PTCHD4: variants seen among roughly 807,000 people sequenced by gnomAD.
PTCHD4 encodes patched domain containing 4.
PTCHD4 carries 33 observed loss-of-function variants against 58.1 expected under a neutral mutation model. That is an observed-to-expected ratio of 0.57 (90% CI 0.43 to 0.76). The LOEUF is 0.76. Ranked by LOEUF, PTCHD4 falls within the 30% of genes least tolerant of loss-of-function variation. PTCHD4 has a pLI of 0.00. For missense variants in PTCHD4, 1,058 were observed against 1,027.1 expected (o/e 1.03, Z -0.41); for synonymous variants, 478 against 409.6 (o/e 1.17, Z -2.02).
chr6:48,039,663 G>A (rs1206012118), intron 3 of PTCHD4, among the ~76,000 whole-genome samples: 2 of 152,064 alleles, frequency 1.3e-5, no homozygotes, highest in African/African-American at 4.8e-5. Flanking sequence ...TGTGGAAAAG[G>A]TAGAGAAAAA....
At chr6:48,066,420 C>G (rs1481026761) in intron 3 of PTCHD4, among the ~76,000 whole-genome samples, 2 of 152,098 alleles carry the variant, frequency 1.3e-5, no homozygotes, top group Non-Finnish European at 2.9e-5. Context: ...TACTAATGAA[C>G]TACAAAGTTG....
At position 48,068,512 on chromosome 6, in the gene PTCHD4, C is replaced by G. The variant is rs1166777371; in HGVS notation, c.135G>C (p.Val45=). The change falls in exon 3 of 5, where the codon GTG becomes GTC. Residue 45 remains valine (V), a synonymous_variant. Transcript: ENST00000339488. This position sits in a 1 kb window ranked among gnomAD's most constrained non-coding sequence, Gnocchi z 4.2. The part of the protein sequence containing the change: ...VSRHPVFFLT[V]PAVLTITFGL... ...CGAAGGTGATTGTCAGGACTGCGGGCACGGTGAGGAAAAAGACCGGGTGCC... is the reference window on the plus strand; with the variant it reads ...CGAAGGTGATTGTCAGGACTGCGGGGACGGTGAGGAAAAAGACCGGGTGCC... 1 of 1,612,684 alleles carries G rather than the reference C, an allele frequency of 6.2e-7. No individual in the cohort carries two copies. Among genetic ancestry groups the G allele is most frequent in the African/African-American group, 1.3e-5 (1 of 74,914 alleles).
At chr6:48,076,363 T>C (rs990428664) in intron 1 of PTCHD4, among the ~76,000 whole-genome samples, 10 of 152,234 alleles carry the variant, frequency 6.6e-5, no homozygotes, top group Admixed American at 6.5e-4. Context: ...CTATTGATGA[T>C]GATATTTTGC....
In PTCHD4 at chr6:47,873,796, CA is replaced by C. The variant is rs1763779916; in HGVS notation, c.*4506del. Among the ~76,000 whole-genome samples, 1 of 151,628 alleles carries C rather than the reference CA, an allele frequency of 6.6e-6. No individual in the cohort carries two copies. The highest frequency in any genetic ancestry group is 2.4e-5 in the African/African-American group (1 of 41,336). ...ATTCAGCCATAAATATGTTTTGGGT[CA>C]ATGTCATAAAATTGTCACAAAATTT... is the stretch of plus-strand genomic sequence containing the variant. On this transcript the variant is annotated 3_prime_UTR_variant, in exon 5 of 5. Coordinates refer to ENST00000339488, the MANE Select transcript of PTCHD4 (RefSeq NM_001384253.1).
At chr6:47,998,326 T>G (rs1032049111) in intron 4 of PTCHD4, among the ~76,000 whole-genome samples, 5 of 152,188 alleles carry the variant, frequency 3.3e-5, no homozygotes, top group Admixed American at 2.0e-4. Flanking sequence ...TATTCAATCC[T>G]GATTCACTAT....
At chr6:48,106,000 A>C (rs962680258) in intron 1 of PTCHD4, among the ~76,000 whole-genome samples, 10 of 152,210 alleles carry the variant, frequency 6.6e-5, no homozygotes, top group Non-Finnish European at 1.0e-4. Context: ...AGATGGATTC[A>C]CAGCCAAATT....
At chr6:47,885,613 G>C (rs949112544) in intron 4 of PTCHD4, among the ~76,000 whole-genome samples, 1 of 152,142 alleles carries the variant, frequency 6.6e-6, no homozygotes. Flanking sequence ...TTATAATTCC[G>C]TTTGAGCTTC....
chr6:47,962,300 T>C lies in PTCHD4; in HGVS notation c.898+46334A>G, dbSNP rs1030315528. 5.9e-5 allele frequency among the ~76,000 whole-genome samples: 9 copies of C among 152,286 alleles called. No homozygotes were observed. In the South Asian group the frequency reaches 6.2e-4, roughly 11 times the overall value. ...TTTGCTGTGCCTAATGACTTAGGCA[T>C]TCAGGCAACGAAGCTTCTGCAAAGC... On this transcript the variant is annotated intron_variant, in intron 4 of 4. Coordinates refer to ENST00000339488, the MANE Select transcript of PTCHD4 (RefSeq NM_001384253.1).
chr6:48,007,962 A>G (rs1762520039), intron 4 of PTCHD4, among the ~76,000 whole-genome samples: 3 of 149,070 alleles, frequency 2.0e-5, no homozygotes, highest in Middle Eastern at 3.5e-3. Context: ...ACACACACAC[A>G]CGCACCACCT....
chr6:47,883,007 T>C (rs1410023679), intron 4 of PTCHD4, among the ~76,000 whole-genome samples: 1 of 151,772 alleles, frequency 6.6e-6, no homozygotes, highest in Non-Finnish European at 1.5e-5. Flanking sequence ...TGATTCTAGA[T>C]GGGTCCAAAA....
rs141997493 is a variant in PTCHD4 at position 48,106,383 on chromosome 6, C to G, written c.-970+4666G>C. Among the ~76,000 whole-genome samples, 1,353 of 152,218 alleles carry G rather than the reference C, an allele frequency of 8.9e-3. 34 individuals are homozygous for G. Among genetic ancestry groups the G allele is most frequent in the African/African-American group, 0.031 (1,277 of 41,516 alleles). On this transcript the variant is annotated intron_variant, in intron 1 of 4. Transcript: ENST00000339488. ...TTATCTCAATAGATGCAGAAAAGAC[C>G]TTTGACAAAATTCAACAATGCTTCA...
intron 4 of PTCHD4, among the ~76,000 whole-genome samples, chr6:47,962,801 A>G (rs758414903): frequency 7.2e-5 from 11 of 152,060 alleles, no homozygotes; most frequent in Non-Finnish European, 1.6e-4. Flanking sequence ...GTGGGCATCC[A>G]AAATATGTAA....
At chr6:48,053,890 T>A (rs927828453) in intron 3 of PTCHD4, among the ~76,000 whole-genome samples, 1 of 152,118 alleles carries the variant, frequency 6.6e-6, no homozygotes, top group African/African-American at 2.4e-5. Context: ...AGGGCAGATG[T>A]TCTCTCCTTT....
chr6:47,977,380 T>C (rs1323270207), intron 4 of PTCHD4, among the ~76,000 whole-genome samples: 1 of 152,174 alleles, frequency 6.6e-6, no homozygotes, highest in Admixed American at 6.5e-5. Context: ...TTGAGGGCTT[T>C]GATGAAGCAA....
At chr6:47,923,427 T>C (rs1207918799) in intron 4 of PTCHD4, among the ~76,000 whole-genome samples, 1 of 152,180 alleles carries the variant, frequency 6.6e-6, no homozygotes, top group African/African-American at 2.4e-5. Context: ...TAAGCACTTT[T>C]GATATTTTGT....
At chr6:48,045,965 C>T (rs571318748) in intron 3 of PTCHD4, among the ~76,000 whole-genome samples, 19 of 151,736 alleles carry the variant, frequency 1.3e-4, no homozygotes, top group African/African-American at 4.6e-4. Context: ...AGAATATTAG[C>T]TATATTCTTA....
intron 3 of PTCHD4, among the ~76,000 whole-genome samples, chr6:48,054,835 C>T (rs1040155452): frequency 3.3e-5 from 5 of 152,162 alleles, no homozygotes; most frequent in East Asian, 1.9e-4. Flanking sequence ...TGATTTATCA[C>T]GTGGTTTCCT....
chr6:48,021,699 T>TA (rs1763078329), intron 3 of PTCHD4, among the ~76,000 whole-genome samples: 1 of 152,172 alleles, frequency 6.6e-6, no homozygotes, highest in Non-Finnish European at 1.5e-5. Flanking sequence ...AATATGCCAT[T>TA]GATTTATGTA....
chr6:48,102,371 C>T (rs1046498282), intron 1 of PTCHD4, among the ~76,000 whole-genome samples: 4 of 152,192 alleles, frequency 2.6e-5, no homozygotes, highest in Non-Finnish European at 4.4e-5. Flanking sequence ...GGTTATCTTA[C>T]CCTGAGATGT....
Sources: gnomAD v4.1 joint callset for allele counts (sites outside exome capture counted in the v4.1 genomes callset) on GRCh38, gnomAD v4.1.1 for gene constraint, Gnocchi (gnomAD v3.1) non-coding constraint, MANE v1.5 for transcripts, NCBI Gene and HGNC (gene_info 2026-07-23, HGNC 2026-07-21) for gene names.